Variants in RHOJ observed in about 807,000 individuals in gnomAD.
RHOJ encodes the protein ras homolog family member J, also known as rho-related GTP-binding protein RhoJ.
A neutral mutation model predicts 23.4 loss-of-function variants in RHOJ; 11 were observed. That is an observed-to-expected ratio of 0.47 (90% CI 0.30 to 0.78). The LOEUF is 0.78. RHOJ is among the 30% of genes least tolerant of loss of function. The probability of loss-of-function intolerance (pLI) is 0.08; values close to 1 mark genes in which losing one functional copy is unlikely to be tolerated. For synonymous variants in RHOJ, 102 were observed against 102.7 expected (o/e 0.99, Z 0.04); for missense variants, 254 against 273.4 (o/e 0.93, Z 0.50).
chr14:63,227,564 A>G (rs1894618160), intron 1 of RHOJ, among the ~76,000 whole-genome samples: 2 of 152,224 alleles, frequency 1.3e-5, no homozygotes, highest in Admixed American at 1.3e-4. Context: ...AAAGAACACA[A>G]AAAGGAACAA....
intron 1 of RHOJ, among the ~76,000 whole-genome samples, chr14:63,249,526 G>T (rs187517462): frequency 2.6e-5 from 4 of 152,210 alleles, no homozygotes; most frequent in African/African-American, 9.6e-5. Flanking sequence ...GCTGCTGAAA[G>T]TTCAAGTGTT....
intron 1 of RHOJ, among the ~76,000 whole-genome samples, chr14:63,236,360 A>G (rs1443486741): frequency 1.3e-5 from 2 of 152,176 alleles, no homozygotes; most frequent in Non-Finnish European, 2.9e-5. Flanking sequence ...GAGACCAGGT[A>G]ATTTACAAAA....
intron 2 of RHOJ, among the ~76,000 whole-genome samples, chr14:63,273,969 G>C (rs936222501): frequency 1.1e-4 from 16 of 152,194 alleles, no homozygotes; most frequent in Non-Finnish European, 2.2e-4. Flanking sequence ...AGTGTCTGTG[G>C]GAGTAGAGAA....
chr14:63,248,595 T>C (rs961042743), intron 1 of RHOJ, among the ~76,000 whole-genome samples: 2 of 152,380 alleles, frequency 1.3e-5, no homozygotes, highest in Middle Eastern at 3.4e-3. Context: ...TCTGCAATTA[T>C]ATAAACTCAA....
chr14:63,248,004 T>C (rs933918546), intron 1 of RHOJ, among the ~76,000 whole-genome samples: 1 of 152,104 alleles, frequency 6.6e-6, no homozygotes, highest in East Asian at 1.9e-4. Flanking sequence ...GAAAACAGTA[T>C]GGGGGAAACT....
At chr14:63,252,899 C>T (rs1454591769) in intron 1 of RHOJ, among the ~76,000 whole-genome samples, 3 of 152,164 alleles carry the variant, frequency 2.0e-5, no homozygotes, top group Non-Finnish European at 4.4e-5. Flanking sequence ...AGGCATGAGC[C>T]TCCACACCTG....
intron 1 of RHOJ, among the ~76,000 whole-genome samples, chr14:63,226,037 C>A (rs1337229839): frequency 6.6e-6 from 1 of 152,120 alleles, no homozygotes; most frequent in Non-Finnish European, 1.5e-5. Context: ...TTGACCCCTT[C>A]TCGTGACCAT....
At chr14:63,270,037 G>T (rs920763998) in intron 2 of RHOJ, among the ~76,000 whole-genome samples, 3 of 152,134 alleles carry the variant, frequency 2.0e-5, no homozygotes, top group African/African-American at 7.2e-5. Context: ...ATCTATTTAG[G>T]TCAAAATCAG....
chr14:63,289,454 T>G (rs758520201), intron 4 of RHOJ, among the ~76,000 whole-genome samples: 5 of 152,254 alleles, frequency 3.3e-5, no homozygotes, highest in African/African-American at 9.6e-5. Flanking sequence ...TGCTGTAGTT[T>G]CCAGGAACTC....
At chr14:63,258,228 CAA>C (rs1300550864) in intron 1 of RHOJ, among the ~76,000 whole-genome samples, 19 of 69,002 alleles carry the variant, frequency 2.8e-4, no homozygotes, top group East Asian at 4.3e-4. Context: ...AACTCTGTCC[CAA>C]AAAAAAAAAA....
At chr14:63,206,615 A>G (rs1894114417) in intron 1 of RHOJ, among the ~76,000 whole-genome samples, 1 of 152,206 alleles carries the variant, frequency 6.6e-6, no homozygotes, top group African/African-American at 2.4e-5. Context: ...TATGTATCCA[A>G]ATCCCCATGT....
chr14:63,289,427 T>C (rs1202034934), intron 4 of RHOJ, among the ~76,000 whole-genome samples: 1 of 152,252 alleles, frequency 6.6e-6, no homozygotes. Flanking sequence ...TTTGCTACCT[T>C]GTTTTAGCCA....
intron 1 of RHOJ, among the ~76,000 whole-genome samples, chr14:63,246,991 A>G (rs1007999578): frequency 1.3e-5 from 2 of 152,204 alleles, no homozygotes; most frequent in African/African-American, 4.8e-5. Flanking sequence ...TGTTCCCCAC[A>G]TTCTTACCCA....
intron 2 of RHOJ, among the ~76,000 whole-genome samples, chr14:63,269,770 A>G (rs978658491): frequency 2.4e-4 from 36 of 152,198 alleles, no homozygotes; most frequent in African/African-American, 8.2e-4. Flanking sequence ...CTGTTTCTTC[A>G]AGTTGGAGAA....
At chr14:63,215,460 T>A (rs1287107060) in intron 1 of RHOJ, among the ~76,000 whole-genome samples, 1 of 152,210 alleles carries the variant, frequency 6.6e-6, no homozygotes, top group Non-Finnish European at 1.5e-5. Context: ...AACAAAATGA[T>A]TCCTGATCTT....
intron 3 of RHOJ, 149 bp from the exon 4 acceptor site, chr14:63,282,972 A>G: frequency 4.9e-6 from 3 of 615,354 alleles, no homozygotes; most frequent in East Asian, 2.7e-5. Context: ...TTTTTTAGAC[A>G]TAACATGGGC....
chr14:63,230,590 A>G (rs1435769861), intron 1 of RHOJ, among the ~76,000 whole-genome samples: 1 of 151,948 alleles, frequency 6.6e-6, no homozygotes, highest in East Asian at 1.9e-4. Flanking sequence ...TAGCAGCAAG[A>G]TCTTCCCTAA....
intron 1 of RHOJ, among the ~76,000 whole-genome samples, chr14:63,233,404 G>T (rs1276920635): frequency 6.6e-6 from 1 of 152,112 alleles, no homozygotes; most frequent in African/African-American, 2.4e-5. Context: ...CTATTGAATT[G>T]CACTTTAAAT....
At chr14:63,245,988 A>C (rs1462292668) in intron 1 of RHOJ, among the ~76,000 whole-genome samples, 1 of 152,176 alleles carries the variant, frequency 6.6e-6, no homozygotes, top group Non-Finnish European at 1.5e-5. Context: ...TCATAAACCC[A>C]AAGGAGACTC....
Sources: gnomAD v4.1 joint callset for allele counts (sites outside exome capture counted in the v4.1 genomes callset) on GRCh38, gnomAD v4.1.1 for gene constraint, MANE v1.5 for transcripts, NCBI Gene and HGNC (gene_info 2026-07-23, HGNC 2026-07-21) for gene names.